Variants in MYOT observed in about 807,000 individuals in gnomAD.
MYOT encodes the protein 57 kDa cytoskeletal protein.
MYOT carries 36 observed loss-of-function variants against 58.0 expected under a neutral mutation model. That is an observed-to-expected ratio of 0.62 (90% CI 0.48 to 0.82). The LOEUF is 0.82. MYOT is among the 40% of genes least tolerant of loss of function. The pLI is 0.00. For synonymous variants in MYOT, 218 were observed against 204.6 expected, an observed-to-expected ratio of 1.07 and a Z score of -0.56; for missense variants, 505 against 592.1, an observed-to-expected ratio of 0.85 and a Z score of 1.53.
intron 2 of MYOT, among the ~76,000 whole-genome samples, chr5:137,873,447 T>C (rs1356085044): frequency 6.6e-6 from 1 of 151,604 alleles, no homozygotes; most frequent in Non-Finnish European, 1.5e-5. Flanking sequence ...GGCATGAGAA[T>C]CGCTTAAACC....
intron 4 of MYOT, among the ~76,000 whole-genome samples, chr5:137,877,890 T>C (rs1169170908): frequency 6.6e-6 from 1 of 152,172 alleles, no homozygotes; most frequent in Non-Finnish European, 1.5e-5. Context: ...CATTTATGGG[T>C]CAGTTAGACC....
Position 137,877,404 on chromosome 5 carries a change from T to C in MYOT, c.532-116T>C, listed in dbSNP as rs1755264597. On this transcript the variant is annotated intron_variant, in intron 3 of 9. Transcript: ENST00000239926. ...AAAAAAAAAAAAATAGAATCTATCA[T>C]TCAATAGATAGAACTATGCTTCTTT... is the stretch of plus-strand genomic sequence containing the variant. The C allele has an allele frequency of 9.9e-6, 6 of 603,930 alleles. No homozygotes were observed. The Admixed American group carries it at 1.7e-4, about 17-fold the overall frequency. 37.4% of individuals were successfully genotyped at this position (603,930 alleles called of 1,614,324 possible). A position where few individuals can be genotyped will look rare whatever the true frequency, so the allele number is the denominator to read the frequency against.
chr5:137,870,908 C>T lies in MYOT; in HGVS notation c.257C>T (p.Thr86Ile), dbSNP rs1205992276. Residue 86 changes from threonine to isoleucine, a missense_variant, in exon 2 of 10, where the codon ACA becomes ATA. Physicochemically the swap from Thr to Ile is moderately conservative, Grantham distance 89 (BLOSUM62 -1). Coordinates refer to ENST00000239926, the MANE Select transcript of MYOT (RefSeq NM_006790.3). ...HAGSNPGQRVTTTYNQSPASF... is the reference protein window; with the variant it reads ...HAGSNPGQRVITTYNQSPASF... ...GGCTCCAACCCAGGCCAAAGGGTTA[C>T]AACCACCTATAACCAGTCCCCAGCC... 14 of 1,614,220 alleles carry T rather than the reference C, an allele frequency of 8.7e-6. No homozygotes were observed. The highest frequency in any genetic ancestry group is 1.1e-5 in the Non-Finnish European group (13 of 1,180,030).
chr5:137,883,325 TA>T, intron 6 of MYOT, 58 bp from the exon 7 acceptor site: 1 of 1,399,002 alleles, frequency 7.1e-7, no homozygotes, highest in Non-Finnish European at 1.0e-6. Context: ...TATGGACAAA[TA>T]GGTTTCAGTG....
chr5:137,869,396 G>GA (rs1233564063), intron 1 of MYOT, among the ~76,000 whole-genome samples: 8 of 151,896 alleles, frequency 5.3e-5, no homozygotes, highest in African/African-American at 1.9e-4. Context: ...CATACTAATG[G>GA]AAAAAAAATC....
chr5:137,873,061 G>T (rs1755099385), intron 2 of MYOT, among the ~76,000 whole-genome samples: 1 of 152,142 alleles, frequency 6.6e-6, no homozygotes, highest in Admixed American at 6.5e-5. Context: ...AGTGACTGAG[G>T]TTACATATAC....
chr5:137,876,208 A>T, intron 3 of MYOT: 1 of 578,196 alleles, frequency 1.7e-6, no homozygotes, highest in Non-Finnish European at 3.0e-6. Flanking sequence ...AAGCAAATGA[A>T]AAATGTATCT....
rs576170105 is a variant in MYOT, at chr5:137,868,245, G to A, written c.-212+292G>A. Among the ~76,000 whole-genome samples the A allele has an allele frequency of 3.9e-5, 6 of 152,234 alleles. No individual in the cohort carries two copies. In the East Asian group the frequency reaches 7.7e-4, roughly 20 times the overall value. On this transcript the variant is annotated intron_variant, in intron 1 of 9. Coordinates refer to ENST00000239926, the MANE Select transcript of MYOT (RefSeq NM_006790.3). ...GTAATTGTGGTGATGTCTTATGAAC[G>A]CAACATATCCTCTATCAGTCTTCTG... is the stretch of plus-strand genomic sequence containing the variant.
At chr5:137,881,430 C>G (rs943272394) in intron 5 of MYOT, among the ~76,000 whole-genome samples, 6 of 152,098 alleles carry the variant, frequency 3.9e-5, no homozygotes, top group Non-Finnish European at 5.9e-5. Context: ...TTTGGAAGGC[C>G]GAGGTGGGTA....
Position 137,886,989 on chromosome 5 carries a change from A to C in MYOT, c.1316A>C (p.Asp439Ala), listed in dbSNP as rs1755622563. 5.0e-6 allele frequency: 8 copies of C among 1,613,526 alleles called. No individual in the cohort carries two copies. Among genetic ancestry groups the C allele is most frequent in the Non-Finnish European group, 6.8e-6 (8 of 1,179,430 alleles). ...AGVTTCNTRL[D>A]VTARPNQTLP... The stretch of plus-strand genomic sequence containing the variant: ...GTGACTACATGTAACACAAGATTAG[A>C]CGTTACGGGTATGTCATACTATTAA... The change falls in exon 9 of 10, where the codon GAC becomes GCC. Residue 439 changes from aspartate (D) to alanine (A), a missense_variant. Asp to Ala is a moderately radical substitution (Grantham distance 126, BLOSUM62 -2). Coordinates refer to ENST00000239926, the MANE Select transcript of MYOT (RefSeq NM_006790.3).
Position 137,881,968 on chromosome 5 carries a change from T to C in MYOT, c.684-5T>C. ...CGCATAGTTGTTACCAAAATATTCTTGTAGAAGTAGATCAACCTCAAGGGG... is the reference window on the plus strand; with the variant it reads ...CGCATAGTTGTTACCAAAATATTCTCGTAGAAGTAGATCAACCTCAAGGGG... On this transcript the variant is annotated splice_region_variant and splice_polypyrimidine_tract_variant and intron_variant, in intron 5 of 9. Coordinates refer to ENST00000239926, the MANE Select transcript of MYOT (RefSeq NM_006790.3). 6.2e-7 allele frequency: 1 copy of C among 1,613,696 alleles called. No homozygotes were observed. Among genetic ancestry groups the C allele is most frequent in the South Asian group, 1.1e-5 (1 of 91,084 alleles).
chr5:137,886,643 G>A (rs1464603317), intron 8 of MYOT: 2 of 599,064 alleles, frequency 3.3e-6, no homozygotes, highest in South Asian at 1.7e-5. Context: ...ACACACCCGA[G>A]TGAATGACAG....
rs935391913 is a variant in MYOT, at chr5:137,883,091, C to A, written c.817-293C>A. Reference sequence around the variant, plus strand: ...ATGACTTCTATATTCCTTATGGAAACCAATGTAACATAAATTAATGTTCTA... The same window carrying A: ...ATGACTTCTATATTCCTTATGGAAAACAATGTAACATAAATTAATGTTCTA... On this transcript the variant is annotated intron_variant, in intron 6 of 9. Coordinates refer to ENST00000239926, the MANE Select transcript of MYOT (RefSeq NM_006790.3). The A allele has an allele frequency of 3.1e-5, 11 of 359,950 alleles. No homozygotes were observed. In the Admixed American group the frequency reaches 4.6e-4, roughly 15 times the overall value. 22.3% of individuals were successfully genotyped at this position (359,950 alleles called of 1,614,324 possible).
rs762274920 is a variant in MYOT at position 137,870,918 on chromosome 5, T to A, written c.267T>A (p.Tyr89Ter). 2.5e-6 allele frequency: 4 copies of A among 1,614,196 alleles called. No individual in the cohort carries two copies. In the South Asian group the frequency reaches 4.4e-5, roughly 18 times the overall value. The change falls in exon 2 of 10, where the codon TAT becomes TAA. Residue 89 changes from tyrosine (Y) to a stop codon, truncating the protein, a stop_gained. Transcript: ENST00000239926. LOFTEE classifies it high-confidence loss of function. ...SNPGQRVTTT[Y>*]NQSPASFLSS... ...CAGGCCAAAGGGTTACAACCACCTA[T>A]AACCAGTCCCCAGCCAGCTTCCTCA... is the stretch of plus-strand genomic sequence containing the variant.
At chr5:137,881,948 AGTT>A (rs765003733) in intron 5 of MYOT, 22 bp from the exon 6 acceptor site, 6 of 1,610,906 alleles carry the variant, frequency 3.7e-6, no homozygotes, top group Non-Finnish European at 5.1e-6. Context: ...ATTTACGCAT[AGTT>A]GTTACCAAAA....
At chr5:137,877,317 G>A (rs1161917260) in intron 3 of MYOT, among the ~76,000 whole-genome samples, 1 of 141,848 alleles carries the variant, frequency 7.0e-6, no homozygotes, top group East Asian at 2.1e-4. Context: ...GCAGTGAGCC[G>A]AGATTGTGCC....
chr5:137,880,979 A>AC, intron 5 of MYOT, 114 bp downstream of exon 5: 3 of 772,656 alleles, frequency 3.9e-6, no homozygotes, highest in Non-Finnish European at 6.3e-6. Flanking sequence ...TGAAAAATAC[A>AC]ATGTGTATTT....
chr5:137,886,007 TATA>T, intron 7 of MYOT, 38 bp from the exon 8 acceptor site: 1 of 1,350,406 alleles, frequency 7.4e-7, no homozygotes, highest in South Asian at 1.3e-5. Flanking sequence ...ATACCTTTTT[TATA>T]ATATTTCAAA....
chr5:137,876,062 T>G, intron 3 of MYOT, 59 bp downstream of exon 3: 1 of 1,559,368 alleles, frequency 6.4e-7, no homozygotes, highest in Non-Finnish European at 8.8e-7. Flanking sequence ...CTAATTTTAA[T>G]AAGGAAGTTC....
Sources: gnomAD v4.1 joint callset for allele counts (sites outside exome capture counted in the v4.1 genomes callset) on GRCh38, gnomAD v4.1.1 for gene constraint, MANE v1.5 for transcripts, NCBI Gene and HGNC (gene_info 2026-07-23, HGNC 2026-07-21) for gene names.